NNT: variants seen among roughly 807,000 people sequenced by gnomAD.
NNT encodes NAD(P) transhydrogenase, mitochondrial.
NNT carries 50 observed loss-of-function variants against 104.8 expected under a neutral mutation model. The observed-to-expected ratio is 0.48, with a 90% CI of 0.38 to 0.60. The LOEUF (loss-of-function observed/expected upper bound fraction) is 0.60, where lower values mean the gene tolerates loss of function less well. Among genes scored for constraint, NNT ranks in the 20% least tolerant of loss-of-function variants. The probability of loss-of-function intolerance (pLI) is 0.00; values close to 1 mark genes in which losing one functional copy is unlikely to be tolerated. For missense variants in NNT, 1,131 were observed against 1,330.7 expected (o/e 0.85, Z 2.33); for synonymous variants, 461 against 490.4 (o/e 0.94, Z 0.79).
At position 43,631,970 on chromosome 5, in the gene NNT, A is replaced by G. The variant is rs1334317870; in HGVS notation, c.964+3583A>G. On this transcript the variant is annotated intron_variant, in intron 7 of 21. Coordinates refer to ENST00000344920, the MANE Select transcript of NNT (RefSeq NM_182977.3). ...AAAAAGGCCTTCAGTTTCTTTTGGG[A>G]AAAAAAAAAAAAAAAAAAGGGAAGA... Among the ~76,000 whole-genome samples, 227 of 97,510 alleles carry G rather than the reference A, an allele frequency of 2.3e-3. 1 individual carries two copies. Among genetic ancestry groups the G allele is most frequent in the Non-Finnish European group, 3.3e-3 (162 of 48,564 alleles). The allele number at this position is 97,510 out of a possible 152,430, so 64.0% of individuals were successfully genotyped here.
intron 17 of NNT, among the ~76,000 whole-genome samples, chr5:43,671,211 C>A (rs1741061336): frequency 6.6e-6 from 1 of 152,124 alleles, no homozygotes. Flanking sequence ...GAATACAGCA[C>A]ACTGATGGGT....
Position 43,665,781 on chromosome 5 carries a change from C to T in NNT, c.2634+6431C>T, listed in dbSNP as rs1457700222. ...ACGGGGTGGTGGCCGGGCAGAGGGGCTCACTTCCCAGACGGGGCAGCCAGG... is the reference window on the plus strand; with the variant it reads ...ACGGGGTGGTGGCCGGGCAGAGGGGTTCACTTCCCAGACGGGGCAGCCAGG... On this transcript the variant is annotated intron_variant, in intron 17 of 21. Transcript: ENST00000344920. Among the ~76,000 whole-genome samples, 2 of 111,490 alleles carry T rather than the reference C, an allele frequency of 1.8e-5. 1 individual carries two copies. The highest frequency in any genetic ancestry group is 4.6e-5 in the Non-Finnish European group (2 of 43,418). 73.1% of individuals were successfully genotyped at this position (111,490 alleles called of 152,430 possible).
intron 10 of NNT, among the ~76,000 whole-genome samples, chr5:43,648,785 G>A (rs1739591442): frequency 6.6e-6 from 1 of 152,148 alleles, no homozygotes; most frequent in South Asian, 2.1e-4. Context: ...ATCCTCTGTA[G>A]GCCTGTAATC....
chr5:43,622,820 A>G (rs543259018), intron 5 of NNT, among the ~76,000 whole-genome samples: 58 of 150,016 alleles, frequency 3.9e-4, no homozygotes, highest in African/African-American at 1.4e-3. Flanking sequence ...AAATTTCGAT[A>G]GTAAGATCTG....
intron 19 of NNT, among the ~76,000 whole-genome samples, chr5:43,687,733 A>G (rs1433449789): frequency 6.6e-6 from 1 of 152,204 alleles, no homozygotes; most frequent in Admixed American, 6.5e-5. Flanking sequence ...GCATAACATG[A>G]TGGTTATGTT....
chr5:43,674,920 G>T (rs1015287698), intron 17 of NNT, among the ~76,000 whole-genome samples: 1 of 152,156 alleles, frequency 6.6e-6, no homozygotes, highest in Non-Finnish European at 1.5e-5. Flanking sequence ...ATTTGGAAGT[G>T]AAATATTTTA....
chr5:43,624,547 G>C (rs575683905), intron 6 of NNT, among the ~76,000 whole-genome samples: 1 of 152,264 alleles, frequency 6.6e-6, no homozygotes, highest in Admixed American at 6.5e-5. Context: ...GACTAGCAAC[G>C]CATGAATTAT....
chr5:43,624,076 C>T lies in NNT; in HGVS notation c.732C>T (p.Gly244=), dbSNP rs772932182. The change falls in exon 6 of 22, where the codon GGC becomes GGT. Residue 244 remains glycine (G), a synonymous_variant. Coordinates refer to ENST00000344920, the MANE Select transcript of NNT (RefSeq NM_182977.3). ...GTGTTGCTGGGCTTGCTTCTGCAGG[C>T]GCAGCAAAGTCGATGGGTGCAATTG... is the stretch of plus-strand genomic sequence containing the variant. The part of the protein sequence containing the change: ...GGGVAGLASA[G]AAKSMGAIVR... 20 of 1,613,970 alleles carry T rather than the reference C, an allele frequency of 1.2e-5. No individual in the cohort carries two copies. Among genetic ancestry groups the T allele is most frequent in the Middle Eastern group, 1.6e-4 (1 of 6,084 alleles).
chr5:43,644,954 A>G (rs1242051684), intron 9 of NNT, 152 bp downstream of exon 9: 3 of 609,500 alleles, frequency 4.9e-6, no homozygotes, highest in Admixed American at 3.6e-5. Flanking sequence ...TTGTAAATGC[A>G]GAATGATTTA....
intron 3 of NNT, among the ~76,000 whole-genome samples, chr5:43,614,007 T>G (rs1038927529): frequency 2.0e-5 from 3 of 152,212 alleles, no homozygotes; most frequent in African/African-American, 7.2e-5. Context: ...TAGTAAAATT[T>G]GTGGCATGGG....
At position 43,656,721 on chromosome 5, in the gene NNT, A is replaced by G. The variant is rs2111942344; in HGVS notation, c.2362A>G (p.Ser788Gly). The G allele has an allele frequency of 6.2e-7, 1 of 1,614,094 alleles. No individual in the cohort carries two copies. The highest frequency in any genetic ancestry group is 1.1e-5 in the South Asian group (1 of 91,086). Residue 788 changes from serine (S) to glycine (G), a missense_variant, in exon 16 of 22, where the codon AGT (serine) becomes GGT (glycine). Physicochemically the swap from Ser to Gly is moderately conservative, Grantham distance 56. Coordinates refer to ENST00000344920, the MANE Select transcript of NNT (RefSeq NM_182977.3). Reference protein sequence around the residue: ...HLLNAGLLAASVGGIIPFMVD... With the variant: ...HLLNAGLLAAGVGGIIPFMVD... ...ACTCAATGCAGGCTTACTGGCTGCT[A>G]GTGTGGGCGGGATAATCCCATTCAT...
At chr5:43,660,375 C>G (rs1740291147) in intron 17 of NNT, among the ~76,000 whole-genome samples, 1 of 152,090 alleles carries the variant, frequency 6.6e-6, no homozygotes, top group Non-Finnish European at 1.5e-5. Context: ...GTTTCAAGTT[C>G]TCTTCTTGAT....
intron 7 of NNT, among the ~76,000 whole-genome samples, chr5:43,631,047 GA>G (rs1386857949): frequency 6.6e-6 from 1 of 152,156 alleles, no homozygotes; most frequent in African/African-American, 2.4e-5. Flanking sequence ...GCTTGTTGGG[GA>G]AAACAAGCCT....
At chr5:43,698,147 G>A (rs553724330) in intron 19 of NNT, among the ~76,000 whole-genome samples, 12 of 151,204 alleles carry the variant, frequency 7.9e-5, no homozygotes, top group African/African-American at 2.2e-4. Context: ...GGCTTAATAT[G>A]GATGAATATA....
chr5:43,674,328 T>C (rs1226497366), intron 17 of NNT, among the ~76,000 whole-genome samples: 2 of 152,194 alleles, frequency 1.3e-5, no homozygotes, highest in African/African-American at 2.4e-5. Context: ...CTACTCAGCA[T>C]AATGGAAATG....
chr5:43,634,628 A>C (rs1221817004), intron 7 of NNT, among the ~76,000 whole-genome samples: 1 of 152,148 alleles, frequency 6.6e-6, no homozygotes. Context: ...TTGTTATATA[A>C]AGTTTCATTT....
chr5:43,613,481 G>C (rs1029173720), intron 3 of NNT: 1 of 180,650 alleles, frequency 5.5e-6, no homozygotes, highest in African/African-American at 2.4e-5. Flanking sequence ...ATGGAAAGAA[G>C]GTATGGAACT....
chr5:43,682,324 C>T (rs2112138545), intron 19 of NNT, among the ~76,000 whole-genome samples: 1 of 151,782 alleles, frequency 6.6e-6, no homozygotes, highest in Non-Finnish European at 1.5e-5. Flanking sequence ...GATTCTCCCA[C>T]CTCAGCCTCC....
At chr5:43,672,422 A>G (rs2112074927) in intron 17 of NNT, among the ~76,000 whole-genome samples, 1 of 152,226 alleles carries the variant, frequency 6.6e-6, no homozygotes, top group East Asian at 1.9e-4. Context: ...GGTTTTATCT[A>G]CCTTTGGTCT....
Sources: gnomAD v4.1 joint callset for allele counts (sites outside exome capture counted in the v4.1 genomes callset) on GRCh38, gnomAD v4.1.1 for gene constraint, MANE v1.5 for transcripts, NCBI Gene and HGNC (gene_info 2026-07-23, HGNC 2026-07-21) for gene names.